ABLIM1: variants seen among roughly 807,000 people sequenced by gnomAD.
ABLIM1 encodes actin-binding LIM protein 1.
A neutral mutation model predicts 107.0 loss-of-function variants in ABLIM1; 40 were observed. The ratio of observed to expected loss-of-function variants is 0.37; its 90% CI spans 0.29 to 0.49. The LOEUF (loss-of-function observed/expected upper bound fraction) is 0.49. Ranked by LOEUF, ABLIM1 falls within the 20% of genes least tolerant of loss-of-function variation. The pLI, the probability that ABLIM1 is intolerant of heterozygous loss-of-function variation, is 0.97. For synonymous variants in ABLIM1, 357 were observed against 357.3 expected (o/e 1.00, Z 0.01); for missense variants, 857 against 1,008.5 (o/e 0.85, Z 2.04).
intron 1 of ABLIM1, among the ~76,000 whole-genome samples, chr10:114,705,495 G>C (rs972338271): frequency 5.9e-5 from 9 of 152,146 alleles, no homozygotes; most frequent in African/African-American, 2.2e-4. Flanking sequence ...GGGATGTTCT[G>C]AAAGCCACAG....
At chr10:114,615,612 T>C in intron 1 of ABLIM1, 2 of 457,640 alleles carry the variant, frequency 4.4e-6, no homozygotes, top group Non-Finnish European at 8.9e-6. Flanking sequence ...ACTCTATAAA[T>C]GCATGTTCAA....
intron 6 of ABLIM1, among the ~76,000 whole-genome samples, chr10:114,515,055 A>G (rs2062591368): frequency 6.6e-6 from 1 of 152,256 alleles, no homozygotes; most frequent in Non-Finnish European, 1.5e-5. Flanking sequence ...AGGTCAATGC[A>G]GCAGGGGATG....
At chr10:114,674,506 G>T (rs552026313) in intron 1 of ABLIM1, among the ~76,000 whole-genome samples, 1 of 152,110 alleles carries the variant, frequency 6.6e-6, no homozygotes, top group Non-Finnish European at 1.5e-5. Flanking sequence ...CTCTGGCTCC[G>T]CTATTTACCA....
intron 1 of ABLIM1, among the ~76,000 whole-genome samples, chr10:114,675,000 AT>A (rs2080418646): frequency 6.6e-6 from 1 of 152,066 alleles, no homozygotes; most frequent in African/African-American, 2.4e-5. Context: ...CATGGCCATC[AT>A]ATAATGGTAG....
chr10:114,485,330 C>A, intron 8 of ABLIM1: 2 of 1,613,158 alleles, frequency 1.2e-6, no homozygotes, highest in Non-Finnish European at 1.7e-6. Context: ...TGCGTCGAAT[C>A]AGACTTTTGG....
At chr10:114,678,532 T>G (rs904576171) in intron 1 of ABLIM1, among the ~76,000 whole-genome samples, 1 of 152,244 alleles carries the variant, frequency 6.6e-6, no homozygotes, top group Admixed American at 6.5e-5. Context: ...GAAGTTCTGT[T>G]GAAAGCAGCC....
upstream of ABLIM1, among the ~76,000 whole-genome samples, chr10:114,659,950 T>C (rs1348508886): frequency 6.6e-6 from 1 of 152,188 alleles, no homozygotes; most frequent in African/African-American, 2.4e-5. Flanking sequence ...TTGTTACAAG[T>C]TCCTAATCTA....
chr10:114,509,409 G>T (rs774885500), intron 6 of ABLIM1, among the ~76,000 whole-genome samples: 5 of 151,980 alleles, frequency 3.3e-5, no homozygotes, highest in African/African-American at 1.2e-4. Context: ...CCCACCAGTC[G>T]GTCTCCAGGC....
upstream of ABLIM1, among the ~76,000 whole-genome samples, chr10:114,659,038 C>A (rs183215908): frequency 5.9e-5 from 9 of 152,252 alleles, no homozygotes; most frequent in East Asian, 1.7e-3. Context: ...AAAATGTGAC[C>A]GTCTACAACC....
chr10:114,661,290 A>T (rs2079786494), upstream of ABLIM1, among the ~76,000 whole-genome samples: 1 of 152,194 alleles, frequency 6.6e-6, no homozygotes, highest in African/African-American at 2.4e-5. Flanking sequence ...GGCTGACTCC[A>T]TTCTCAGGCA....
At chr10:114,690,315 C>T (rs895399685) in intron 1 of ABLIM1, 1 of 1,596,750 alleles carries the variant, frequency 6.3e-7, no homozygotes, top group Admixed American at 1.7e-5. Flanking sequence ...AAACTGGGAA[C>T]CGTTTGTGTT....
At chr10:114,761,447 T>TG (rs2082744615) in intron 1 of ABLIM1, among the ~76,000 whole-genome samples, 1 of 152,184 alleles carries the variant, frequency 6.6e-6, no homozygotes, top group Non-Finnish European at 1.5e-5. Context: ...CGGCTCAGTC[T>TG]GCAACCAAAT....
At chr10:114,541,145 C>T (rs566835042) in intron 6 of ABLIM1, among the ~76,000 whole-genome samples, 4 of 152,162 alleles carry the variant, frequency 2.6e-5, no homozygotes, top group Non-Finnish European at 4.4e-5. Flanking sequence ...ACAGAGCCAT[C>T]GGAAACTGGG....
chr10:114,482,203 T>G (rs2057479263), intron 8 of ABLIM1, among the ~76,000 whole-genome samples: 2 of 152,230 alleles, frequency 1.3e-5, no homozygotes, highest in Non-Finnish European at 2.9e-5. Context: ...AAATTTGCTA[T>G]TCATAGAAAA....
At chr10:114,513,793 C>T (rs2062320307) in intron 6 of ABLIM1, among the ~76,000 whole-genome samples, 1 of 152,210 alleles carries the variant, frequency 6.6e-6, no homozygotes, top group African/African-American at 2.4e-5. Context: ...GATGCCAACA[C>T]TACCAAGAAA....
chr10:114,500,034 G>A (rs569225430), intron 6 of ABLIM1, among the ~76,000 whole-genome samples: 1 of 152,300 alleles, frequency 6.6e-6, no homozygotes, highest in East Asian at 1.9e-4. Context: ...CTGGGCAAAG[G>A]TGAATAAATC....
chr10:114,800,234 G>A, the ABLIM1 span, among the ~76,000 whole-genome samples: 1,231 of 152,218 alleles, frequency 8.1e-3, 9 homozygotes, highest in Non-Finnish European at 0.014. Flanking sequence ...CCATATCCTA[G>A]GAGATGTTTT....
At chr10:114,772,700 A>G (rs1274527985), upstream of ABLIM1, among the ~76,000 whole-genome samples, 1 of 152,244 alleles carries the variant, frequency 6.6e-6, no homozygotes, top group Admixed American at 6.5e-5. Flanking sequence ...ATGCCAAAAT[A>G]CACAGGAAAA....
chr10:114,711,169 G>A (rs2081540181), intron 1 of ABLIM1, among the ~76,000 whole-genome samples: 1 of 152,162 alleles, frequency 6.6e-6, no homozygotes, highest in African/African-American at 2.4e-5. Flanking sequence ...CTTATTTCTG[G>A]TTGTTACACG....
Sources: gnomAD v4.1 joint callset for allele counts (sites outside exome capture counted in the v4.1 genomes callset) on GRCh38, gnomAD v4.1.1 for gene constraint, MANE v1.5 for transcripts, NCBI Gene and HGNC (gene_info 2026-07-23, HGNC 2026-07-21) for gene names.